Variants in XPO4 observed in about 807,000 individuals in gnomAD.
XPO4 encodes exportin 4, also known as exportin-4.
Under a neutral mutation model 143.0 loss-of-function variants are expected in XPO4, and 39 were observed. The ratio of observed to expected loss-of-function variants is 0.27; its 90% CI spans 0.21 to 0.36. The LOEUF is 0.36. Ranked by LOEUF, XPO4 falls within the 10% of genes least tolerant of loss-of-function variation. XPO4 has a pLI of 1.00. For missense variants in XPO4, 907 were observed against 1,348.0 expected (o/e 0.67, Z 5.12); for synonymous variants, 439 against 474.0 (o/e 0.93, Z 0.96).
At chr13:20,810,099 T>G in intron 9 of XPO4, 132 bp from the exon 10 acceptor site, 1 of 692,028 alleles carries the variant, frequency 1.4e-6, no homozygotes, top group Admixed American at 4.0e-5. Context: ...TAAGTTTTTA[T>G]TGAACTTTCT....
chr13:20,902,608 G>C (rs1400686671), intron 1 of XPO4, 62 bp downstream of exon 1: 1 of 1,489,698 alleles, frequency 6.7e-7, no homozygotes, highest in African/African-American at 1.4e-5. Context: ...AGCAAGGCCT[G>C]GAGTGGCAGG....
At chr13:20,900,346 T>G (rs2060608825) in intron 1 of XPO4, among the ~76,000 whole-genome samples, 2 of 151,784 alleles carry the variant, frequency 1.3e-5, no homozygotes, top group Admixed American at 6.6e-5. Context: ...ATCGTGCCAC[T>G]GCACTCCAGC....
chr13:20,814,308 AAAAAGT>A (rs1354879535), intron 9 of XPO4, among the ~76,000 whole-genome samples: 1 of 121,172 alleles, frequency 8.3e-6, no homozygotes, highest in African/African-American at 2.5e-5. Flanking sequence ...AAGTATAACT[AAAAAGT>A]AAAAGTCTTA....
intron 22 of XPO4, among the ~76,000 whole-genome samples, chr13:20,785,952 G>C (rs1216221167): frequency 7.1e-6 from 1 of 139,904 alleles, no homozygotes; most frequent in East Asian, 2.1e-4. Flanking sequence ...GAAAGAAAAA[G>C]ATAGAAAAAA....
chr13:20,855,455 A>G (rs2060134168), intron 4 of XPO4, among the ~76,000 whole-genome samples, 172 bp downstream of exon 4: 1 of 136,310 alleles, frequency 7.3e-6, no homozygotes, highest in Admixed American at 8.0e-5. Context: ...AACTCTTGTC[A>G]CAAGGGAAAA....
At chr13:20,861,101 T>C (rs2060192922) in intron 3 of XPO4, among the ~76,000 whole-genome samples, 1 of 152,184 alleles carries the variant, frequency 6.6e-6, no homozygotes, top group Admixed American at 6.5e-5. Flanking sequence ...TCACCATTCC[T>C]AAGCACACAC....
chr13:20,852,237 A>G (rs1164936356), intron 4 of XPO4: 1 of 985,426 alleles, frequency 1.0e-6, no homozygotes, highest in Non-Finnish European at 1.2e-6. Flanking sequence ...TGTCTGTCAC[A>G]AGGAGCTGGA....
chr13:20,890,052 C>T (rs2060497609), intron 1 of XPO4, among the ~76,000 whole-genome samples: 2 of 152,118 alleles, frequency 1.3e-5, no homozygotes. Flanking sequence ...AAGACAGAAA[C>T]CTGTTAAGGA....
chr13:20,786,074 G>C (rs1566552239), intron 22 of XPO4, among the ~76,000 whole-genome samples: 1 of 151,896 alleles, frequency 6.6e-6, no homozygotes. Context: ...ACAGAGAAAG[G>C]GCACAGATTT....
At chr13:20,853,828 A>G (rs1002350703) in intron 4 of XPO4, among the ~76,000 whole-genome samples, 4 of 152,206 alleles carry the variant, frequency 2.6e-5, no homozygotes, top group African/African-American at 7.2e-5. Flanking sequence ...CACATCACCA[A>G]CTGCCACAAG....
At position 20,800,960 on chromosome 13, in the gene XPO4, T is replaced by C; in HGVS notation, c.1848A>G (p.Glu616=). The C allele has an allele frequency of 6.2e-7, 1 of 1,613,932 alleles. No homozygotes were observed. The highest frequency in any genetic ancestry group is 8.5e-7 in the Non-Finnish European group (1 of 1,179,942). The change falls in exon 14 of 23, where the codon GAA becomes GAG. Residue 616 remains glutamate (E), a synonymous_variant. Transcript: ENST00000255305. The stretch of plus-strand genomic sequence containing the variant: ...CTGCTCTTATTGCTCGAGATTCAAC[T>C]TCTGAAACTCTGAGAATGGCAGACA... ...RLLSAILRVS[E]VESRAIRADL... is the part of the protein sequence containing the mutation.
intron 6 of XPO4, among the ~76,000 whole-genome samples, chr13:20,831,365 C>T (rs1366577339): frequency 6.6e-6 from 1 of 152,102 alleles, no homozygotes; most frequent in Non-Finnish European, 1.5e-5. Context: ...AATATCTGCA[C>T]ATTACATTGT....
In XPO4 at chr13:20,803,386, CCTTT is replaced by C. The variant is rs1281614112; in HGVS notation, c.1818-2400_1818-2397del. Among the ~76,000 whole-genome samples the C allele has an allele frequency of 6.6e-6, 1 of 152,118 alleles. No homozygotes were observed. The highest frequency in any genetic ancestry group is 1.5e-5 in the Non-Finnish European group (1 of 68,016). On this transcript the variant is annotated intron_variant, in intron 13 of 22. Coordinates refer to ENST00000255305, the MANE Select transcript of XPO4 (RefSeq NM_022459.5). This position sits in a 1 kb window ranked among gnomAD's most constrained non-coding sequence, Gnocchi z 4.1. ...TCAGAGGTAGAAGTGAAAACTTTGG[CCTTT>C]CTTTTGTAAAGTGGAAGAAACATCA... is the stretch of plus-strand genomic sequence containing the variant.
At chr13:20,820,697 C>T (rs916116908) in intron 9 of XPO4, among the ~76,000 whole-genome samples, 4 of 152,126 alleles carry the variant, frequency 2.6e-5, no homozygotes, top group African/African-American at 7.2e-5. Context: ...TTTTCTCTAC[C>T]GTATAAACAC....
chr13:20,818,797 A>G, intron 9 of XPO4, among the ~76,000 whole-genome samples: 1 of 151,980 alleles, frequency 6.6e-6, no homozygotes, highest in South Asian at 2.1e-4. Flanking sequence ...ATTATTGTAC[A>G]CTATACACGT....
chr13:20,783,347 CCATTTCAT>C lies in XPO4; in HGVS notation c.*367_*374del. 3.9e-6 allele frequency: 1 copy of C among 254,016 alleles called. No homozygotes were observed. Among genetic ancestry groups the C allele is most frequent in the Non-Finnish European group, 7.6e-6 (1 of 130,894 alleles). 15.7% of individuals were successfully genotyped at this position (254,016 alleles called of 1,614,324 possible). A position where few individuals can be genotyped will look rare whatever the true frequency, so the allele number is the denominator to read the frequency against. On this transcript the variant is annotated 3_prime_UTR_variant, in exon 23 of 23. Coordinates refer to ENST00000255305, the MANE Select transcript of XPO4 (RefSeq NM_022459.5). ...TTGAGAAACACTGCCTAGCATATAT[CCATTTCAT>C]ATTTAATGACAAAAATTCTAAACTT...
At chr13:20,788,019 A>G (rs752431332) in intron 20 of XPO4, among the ~76,000 whole-genome samples, 1 of 151,948 alleles carries the variant, frequency 6.6e-6, no homozygotes, top group Admixed American at 6.6e-5. Context: ...AAACACAGAA[A>G]TAGAGCAGTT....
rs974899387 is a variant in XPO4, at chr13:20,779,759, A to C, written c.*3963T>G. Reference sequence around the variant, plus strand: ...GTATTAAGCTTCTATTTTTATTTGAACCAAACATATTCTTTGGTTAACTAT... The same window carrying C: ...GTATTAAGCTTCTATTTTTATTTGACCCAAACATATTCTTTGGTTAACTAT... On this transcript the variant is annotated 3_prime_UTR_variant, in exon 23 of 23. Transcript: ENST00000255305. 1 of 152,586 alleles carries C rather than the reference A, an allele frequency of 6.6e-6. No homozygotes were observed. The highest frequency in any genetic ancestry group is 2.4e-5 in the African/African-American group (1 of 41,428). The allele number at this position is 152,586 out of a possible 1,614,324, so 9.5% of individuals were successfully genotyped here. A position where few individuals can be genotyped will look rare whatever the true frequency, so the allele number is the denominator to read the frequency against.
At chr13:20,872,337 A>T (rs991908719) in intron 1 of XPO4, among the ~76,000 whole-genome samples, 11 of 152,264 alleles carry the variant, frequency 7.2e-5, no homozygotes, top group African/African-American at 2.6e-4. Context: ...TTCATCTCAC[A>T]TAACACGTTG....
Sources: gnomAD v4.1 joint callset for allele counts (sites outside exome capture counted in the v4.1 genomes callset) on GRCh38, gnomAD v4.1.1 for gene constraint, Gnocchi (gnomAD v3.1) non-coding constraint, MANE v1.5 for transcripts, NCBI Gene and HGNC (gene_info 2026-07-23, HGNC 2026-07-21) for gene names.